The following RPS6KB1 variants were observed in gnomAD, a reference collection of about 807,000 sequenced individuals.
RPS6KB1 encodes ribosomal protein S6 kinase beta-1.
RPS6KB1 carries 12 observed loss-of-function variants against 70.2 expected under a neutral mutation model. That is an observed-to-expected ratio of 0.17 (90% CI 0.11 to 0.28). RPS6KB1 has a LOEUF of 0.28. Ranked by LOEUF, RPS6KB1 falls within the 10% of genes least tolerant of loss-of-function variation. The pLI, the probability that RPS6KB1 is intolerant of heterozygous loss-of-function variation, is 1.00. For synonymous variants in RPS6KB1, 175 were observed against 211.2 expected, an observed-to-expected ratio of 0.83 and a Z score of 1.49; for missense variants, 270 against 646.6, an observed-to-expected ratio of 0.42 and a Z score of 6.32.
chr17:59,919,455 C>T (rs1180572754), intron 4 of RPS6KB1, among the ~76,000 whole-genome samples: 1 of 152,038 alleles, frequency 6.6e-6, no homozygotes, highest in Non-Finnish European at 1.5e-5. Flanking sequence ...GACTCCATCT[C>T]AAATAAATAA....
chr17:59,904,778 C>G (rs923128085), intron 1 of RPS6KB1, among the ~76,000 whole-genome samples: 4 of 150,704 alleles, frequency 2.7e-5, no homozygotes, highest in African/African-American at 9.8e-5. Flanking sequence ...CTCACTGCAA[C>G]CTCTGCCTCC....
chr17:59,923,245 G>A (rs2043388405), intron 4 of RPS6KB1, among the ~76,000 whole-genome samples: 1 of 151,676 alleles, frequency 6.6e-6, no homozygotes, highest in South Asian at 2.1e-4. Flanking sequence ...CACACCCTTG[G>A]ACACCAGGCT....
chr17:59,945,033 C>G (rs951253649), intron 13 of RPS6KB1, among the ~76,000 whole-genome samples: 1 of 152,050 alleles, frequency 6.6e-6, no homozygotes, highest in Non-Finnish European at 1.5e-5. Context: ...AACTCCTGAC[C>G]TCAGGTGGTC....
At chr17:59,899,075 G>C (rs945850320) in intron 1 of RPS6KB1, among the ~76,000 whole-genome samples, 2 of 151,762 alleles carry the variant, frequency 1.3e-5, no homozygotes, top group Non-Finnish European at 2.9e-5. Flanking sequence ...CTGGTGTCAG[G>C]CACCTGTAAT....
intron 4 of RPS6KB1, among the ~76,000 whole-genome samples, chr17:59,917,873 C>T (rs2043047596): frequency 6.6e-6 from 1 of 152,090 alleles, no homozygotes; most frequent in Non-Finnish European, 1.5e-5. Context: ...TCTCCTGGAC[C>T]GATCATCTAA....
chr17:59,923,344 T>C (rs772620421), intron 4 of RPS6KB1, among the ~76,000 whole-genome samples: 11 of 151,962 alleles, frequency 7.2e-5, no homozygotes, highest in Non-Finnish European at 1.3e-4. Flanking sequence ...GTGTGTACTA[T>C]CACACGTGGC....
intron 5 of RPS6KB1, among the ~76,000 whole-genome samples, chr17:59,928,592 C>T (rs947138472): frequency 1.8e-4 from 28 of 152,106 alleles, no homozygotes; most frequent in Admixed American, 1.5e-3. Context: ...TCAGGTGATC[C>T]GCCCACCTTG....
intron 1 of RPS6KB1, among the ~76,000 whole-genome samples, chr17:59,901,501 A>G (rs1027080655): frequency 1.3e-5 from 2 of 149,772 alleles, no homozygotes; most frequent in African/African-American, 4.9e-5. Flanking sequence ...CTATAAAGAA[A>G]TTTTGGGGCT....
At chr17:59,945,877 G>A (rs2044895406) in intron 14 of RPS6KB1, among the ~76,000 whole-genome samples, 1 of 152,166 alleles carries the variant, frequency 6.6e-6, no homozygotes, top group South Asian at 2.1e-4. Flanking sequence ...TTACAATTTA[G>A]TGGGAAAGTC....
chr17:59,915,783 T>TA (rs1555648327), intron 4 of RPS6KB1, among the ~76,000 whole-genome samples: 38 of 112,316 alleles, frequency 3.4e-4, no homozygotes, highest in African/African-American at 9.9e-4. Context: ...ATCTTTTTTT[T>TA]TTTTTTTTTT....
chr17:59,921,803 A>G (rs2043279553), intron 4 of RPS6KB1, among the ~76,000 whole-genome samples: 1 of 152,190 alleles, frequency 6.6e-6, no homozygotes, highest in South Asian at 2.1e-4. Flanking sequence ...CCCACTGTAC[A>G]TTTTAGAACC....
At position 59,906,287 on chromosome 17, in the gene RPS6KB1, G is replaced by A. The variant is rs145530757; in HGVS notation, c.142-4275G>A. The stretch of plus-strand genomic sequence containing the variant: ...AGCTTTGTAACATGTTTTGAAATTG[G>A]GAAGTGTCAGTCCTCCACCTTTGTT... On this transcript the variant is annotated intron_variant, in intron 1 of 14. Transcript: ENST00000225577. 3.3e-5 allele frequency among the ~76,000 whole-genome samples: 5 copies of A among 152,204 alleles called. No individual in the cohort carries two copies. In the East Asian group the frequency reaches 7.7e-4, roughly 23 times the overall value.
intron 1 of RPS6KB1, among the ~76,000 whole-genome samples, chr17:59,899,694 T>G (rs1289501657): frequency 1.3e-5 from 2 of 152,112 alleles, no homozygotes; most frequent in East Asian, 3.9e-4. Flanking sequence ...TGTATCCAGT[T>G]AAAATGGTGA....
chr17:59,935,260 C>T lies in RPS6KB1; in HGVS notation c.938C>T (p.Pro313Leu). Residue 313 changes from proline (P) to leucine (L), a missense_variant, in exon 10 of 15, where the codon CCT becomes CTT. Physicochemically the swap from Pro to Leu is moderately conservative, Grantham distance 98. This residue lies in a region of RPS6KB1 where 133 missense variants were observed against 314.7 expected (regional missense o/e 0.42). Transcript: ENST00000225577. ...DKILKCKLNL[P>L]PYLTQEARDL... ...ATCCTCAAATGTAAACTCAATTTGC[C>T]TCCCTACCTCACACAAGAAGCCAGA... is the stretch of plus-strand genomic sequence containing the variant. The T allele has an allele frequency of 1.2e-6, 2 of 1,612,408 alleles. No individual in the cohort carries two copies. Among genetic ancestry groups the T allele is most frequent in the Non-Finnish European group, 1.7e-6 (2 of 1,178,726 alleles).
In RPS6KB1 at chr17:59,947,337, T is replaced by C. The variant is rs558347521; in HGVS notation, c.*549T>C. The C allele has an allele frequency of 9.0e-7, 1 of 1,115,268 alleles. No homozygotes were observed. The highest frequency in any genetic ancestry group is 1.6e-5 in the African/African-American group (1 of 61,658). The allele number at this position is 1,115,268 out of a possible 1,614,324, so 69.1% of individuals were successfully genotyped here. A position where few individuals can be genotyped will look rare whatever the true frequency, so the allele number is the denominator to read the frequency against. ...ATATATTTTTCAAATAGATTTTTGA[T>C]TCAGCTCATTATGAAAAACATCCCA... On this transcript the variant is annotated 3_prime_UTR_variant, in exon 15 of 15. Coordinates refer to ENST00000225577, the MANE Select transcript of RPS6KB1 (RefSeq NM_003161.4).
At chr17:59,923,450 C>T (rs1371091379) in intron 4 of RPS6KB1, among the ~76,000 whole-genome samples, 1 of 152,112 alleles carries the variant, frequency 6.6e-6, no homozygotes, top group Non-Finnish European at 1.5e-5. Context: ...GCCTCGGTTT[C>T]CCAAAGTGCT....
intron 2 of RPS6KB1, among the ~76,000 whole-genome samples, chr17:59,911,215 A>G (rs2042612032): frequency 1.3e-5 from 2 of 152,242 alleles, no homozygotes; most frequent in Non-Finnish European, 2.9e-5. Flanking sequence ...ATTTTAGACA[A>G]GCTCCATTAG....
At chr17:59,938,696 AGTTTGTGTGT>A (rs1469556243) in intron 12 of RPS6KB1, among the ~76,000 whole-genome samples, 3 of 100,582 alleles carry the variant, frequency 3.0e-5, no homozygotes, top group African/African-American at 7.1e-5. Context: ...CATAATGTGT[AGTTTGTGTGT>A]GTGTGTGTGT....
intron 1 of RPS6KB1, among the ~76,000 whole-genome samples, chr17:59,894,814 AG>A (rs1310473374): frequency 2.0e-5 from 3 of 152,040 alleles, no homozygotes; most frequent in Non-Finnish European, 2.9e-5. Flanking sequence ...CATATTGGCC[AG>A]GCTGTTCTCG....
Sources: allele counts gnomAD v4.1 joint callset (sites outside exome capture counted in the v4.1 genomes callset), GRCh38; gene constraint gnomAD v4.1.1; regional missense constraint gnomAD v4.1.1; transcripts MANE v1.5; gene names NCBI Gene and HGNC (gene_info 2026-07-23, HGNC 2026-07-21).